SZT2: variants seen among roughly 807,000 people sequenced by gnomAD.
SZT2 encodes KICSTOR complex protein SZT2.
SZT2 carries 216 observed loss-of-function variants against 404.2 expected under a neutral mutation model. The observed-to-expected ratio is 0.53, with a 90% confidence interval of 0.48 to 0.60. SZT2 has a LOEUF of 0.60. Ranked by LOEUF, SZT2 falls within the 20% of genes least tolerant of loss-of-function variation. The probability of loss-of-function intolerance (pLI) is 0.00; values close to 1 mark genes in which losing one functional copy is unlikely to be tolerated. For missense variants in SZT2, 3,857 were observed against 4,459.2 expected (o/e 0.86, Z 3.85); for synonymous variants, 1,693 against 1,749.9 (o/e 0.97, Z 0.81).
chr1:43,446,122 C>A, intron 63 of SZT2, 57 bp from the exon 64 acceptor site: 2 of 1,606,046 alleles, frequency 1.2e-6, no homozygotes, highest in East Asian at 4.5e-5. Context: ...GGACTTCCAC[C>A]CTACTGATTC....
chr1:43,449,295 C>G (rs1450258975), intron 70 of SZT2: 1 of 161,444 alleles, frequency 6.2e-6, no homozygotes, highest in Non-Finnish European at 1.4e-5. Flanking sequence ...ATGGGCCCAG[C>G]CAGAGCTGAG....
chr1:43,430,045 G>T lies in SZT2; in HGVS notation c.4343G>T (p.Arg1448Leu), dbSNP rs775153972. The part of the protein sequence containing the change: ...KFLEISRLHF[R>L]TVPSNPHYFF... ...CTAGAGATCAGTCGTCTCCACTTCC[G>T]CACAGTGCCTTCCAATCCCCACTAC... The change falls in exon 30 of 72, where the codon CGC (arginine) becomes CTC (leucine). Residue 1448 changes from arginine (R) to leucine (L), a missense_variant. This residue lies in a region of SZT2 where 1,725 missense variants were observed against 1,881.0 expected (regional missense o/e 0.92). Transcript: ENST00000634258. 1.9e-6 allele frequency: 3 copies of T among 1,613,936 alleles called. No individual in the cohort carries two copies. The highest frequency in any genetic ancestry group is 2.7e-5 in the African/African-American group (2 of 74,852).
At chr1:43,406,073 T>C (rs1488708629) in intron 4 of SZT2, 1 of 157,280 alleles carries the variant, frequency 6.4e-6, no homozygotes, top group Non-Finnish European at 1.4e-5. Context: ...GAGAAGTCTT[T>C]CAGACAAAGC....
chr1:43,442,030 T>G lies in SZT2; in HGVS notation c.7773T>G (p.Cys2591Trp), dbSNP rs768490643. 4 of 1,613,950 alleles carry G rather than the reference T, an allele frequency of 2.5e-6. No homozygotes were observed. The highest frequency in any genetic ancestry group is 3.4e-6 in the Non-Finnish European group (4 of 1,179,938). The change falls in exon 56 of 72, where the codon TGT becomes TGG. Residue 2591 changes from cysteine to tryptophan, a missense_variant. Cys to Trp is a radical substitution (Grantham distance 215). This residue lies in a region of SZT2 where 573 missense variants were observed against 592.4 expected (regional missense o/e 0.97). Coordinates refer to ENST00000634258, the MANE Select transcript of SZT2 (RefSeq NM_001365999.1). This position sits in a 1 kb window ranked among gnomAD's most constrained non-coding sequence, Gnocchi z 4.5. ...CAGAGCCAGAGATCTTCGGCCCTTG[T>G]TCCCCTGGGCAACTGGGCCCCTCTC... The part of the protein sequence containing the change: ...LGSEPEIFGP[C>W]SPGQLGPSPR...
chr1:43,435,815 G>A (rs1222318825), intron 42 of SZT2: 1 of 153,648 alleles, frequency 6.5e-6, no homozygotes, highest in Non-Finnish European at 1.4e-5. Flanking sequence ...GCCATGATCT[G>A]TCTTCCTAAG....
In SZT2 at chr1:43,453,778, A is replaced by G; in HGVS notation, c.*3298A>G. ...AATAGCCAGGACAGATTGGCGGAGA[A>G]GCGCAGCGGCGCCATGCCTGGGGAG... On this transcript the variant is annotated 3_prime_UTR_variant, in exon 72 of 72. Transcript: ENST00000634258. 3.1e-6 allele frequency: 4 copies of G among 1,287,572 alleles called. No individual in the cohort carries two copies. The highest frequency in any genetic ancestry group is 2.9e-6 in the Non-Finnish European group (3 of 1,020,558). 79.8% of individuals were successfully genotyped at this position (1,287,572 alleles called of 1,614,324 possible). A position where few individuals can be genotyped will look rare whatever the true frequency, so the allele number is the denominator to read the frequency against.
chr1:43,392,559 C>G (rs952325277), intron 1 of SZT2, among the ~76,000 whole-genome samples: 2 of 152,076 alleles, frequency 1.3e-5, no homozygotes, highest in Non-Finnish European at 2.9e-5. Flanking sequence ...GGACTACAGG[C>G]GCCTGCTACC....
intron 46 of SZT2, 51 bp from the exon 47 acceptor site, chr1:43,438,648 T>C: frequency 6.4e-7 from 1 of 1,550,946 alleles, no homozygotes; most frequent in Non-Finnish European, 8.9e-7. Flanking sequence ...GCTATGGAGG[T>C]AGCTGGATCC....
intron 1 of SZT2, among the ~76,000 whole-genome samples, chr1:43,392,636 A>G (rs1648538004): frequency 6.6e-6 from 1 of 152,230 alleles, no homozygotes; most frequent in Non-Finnish European, 1.5e-5. Context: ...GATAGTCTCA[A>G]TCTCCTGTCC....
chr1:43,403,965 T>C, intron 3 of SZT2, 191 bp downstream of exon 3: 1 of 655,048 alleles, frequency 1.5e-6, no homozygotes, highest in Non-Finnish European at 2.5e-6. Flanking sequence ...ATCCCAGTGC[T>C]TTGGGAAGCC....
chr1:43,415,858 C>T lies in SZT2; in HGVS notation c.631-102C>T, dbSNP rs1296166611. 8.8e-6 allele frequency: 12 copies of T among 1,369,816 alleles called. 1 individual carries two copies. The highest frequency in any genetic ancestry group is 5.8e-5 in the African/African-American group (4 of 68,642). 84.9% of individuals were successfully genotyped at this position (1,369,816 alleles called of 1,614,324 possible). A position where few individuals can be genotyped will look rare whatever the true frequency, so the allele number is the denominator to read the frequency against. ...GAATTGAGGTTCTCACAGGATTCGG[C>T]CTGTCTGGCCTGAGAAGTGCTGGGC... On this transcript the variant is annotated intron_variant, in intron 5 of 71. Coordinates refer to ENST00000634258, the MANE Select transcript of SZT2 (RefSeq NM_001365999.1).
At chr1:43,391,314 C>CA (rs1362276058) in intron 1 of SZT2, among the ~76,000 whole-genome samples, 136 of 125,854 alleles carry the variant, frequency 1.1e-3, no homozygotes, top group Middle Eastern at 4.0e-3. Context: ...AACTCCGTCT[C>CA]AAAAAAAAAA....
At position 43,426,160 on chromosome 1, in the gene SZT2, A is replaced by G. The variant is rs767113894; in HGVS notation, c.3043+9A>G. 5 of 1,613,458 alleles carry G rather than the reference A, an allele frequency of 3.1e-6. No homozygotes were observed. Among genetic ancestry groups the G allele is most frequent in the Non-Finnish European group, 4.2e-6 (5 of 1,179,548 alleles). ...CCTCTTGCTTGCCAGAGGTAGGTGA[A>G]CCTGGTACCCTTTCACCCCACACCT... On this transcript the variant is annotated intron_variant, in intron 21 of 71. Coordinates refer to ENST00000634258, the MANE Select transcript of SZT2 (RefSeq NM_001365999.1). This position sits in a 1 kb window ranked among gnomAD's most constrained non-coding sequence, Gnocchi z 4.9.
Position 43,443,277 on chromosome 1 carries a change from C to T in SZT2, c.8499+10C>T. 1 of 1,614,172 alleles carries T rather than the reference C, an allele frequency of 6.2e-7. No homozygotes were observed. The highest frequency in any genetic ancestry group is 8.5e-7 in the Non-Finnish European group (1 of 1,180,018). Reference sequence around the variant, plus strand: ...CACCATGCCCATCAGTGTGAGTGACCCCAGCTTGCATCTTCCTTGAGTATC... The same window carrying T: ...CACCATGCCCATCAGTGTGAGTGACTCCAGCTTGCATCTTCCTTGAGTATC... On this transcript the variant is annotated intron_variant, in intron 60 of 71. Transcript: ENST00000634258.
chr1:43,400,643 G>A (rs114301421), intron 1 of SZT2, among the ~76,000 whole-genome samples: 3,796 of 152,216 alleles, frequency 0.025, 161 homozygotes, highest in African/African-American at 0.087. Flanking sequence ...AGGCCAAGGC[G>A]GGTGAATCAC....
chr1:43,404,650 C>T (rs1283396182), intron 4 of SZT2, 100 bp downstream of exon 4: 21 of 1,317,424 alleles, frequency 1.6e-5, no homozygotes, highest in Admixed American at 2.0e-5. Flanking sequence ...CCCAAAGTCC[C>T]GAGCTCTGCT....
chr1:43,428,462 G>C lies in SZT2; in HGVS notation c.4142G>C (p.Arg1381Pro), dbSNP rs748730426. The C allele has an allele frequency of 3.1e-6, 5 of 1,613,972 alleles. No individual in the cohort carries two copies. The Admixed American group carries it at 5.0e-5, about 16-fold the overall frequency. The change falls in exon 28 of 72, where the codon CGA (arginine) becomes CCA (proline). Residue 1381 changes from arginine (R) to proline (P), a missense_variant. By Grantham distance (103) the Arg-to-Pro change is moderately radical. Coordinates refer to ENST00000634258, the MANE Select transcript of SZT2 (RefSeq NM_001365999.1). ...SMEEGAEPRE[R>P]AILASESSIE... ...GAGGAGGGTGCTGAACCTCGGGAAC[G>C]AGCTATCCTAGCTTCTGAATCCAGG...
Position 43,450,159 on chromosome 1 carries a change from C to G in SZT2, c.10143C>G (p.His3381Gln). 1 of 1,614,132 alleles carries G rather than the reference C, an allele frequency of 6.2e-7. No homozygotes were observed. The highest frequency in any genetic ancestry group is 8.5e-7 in the Non-Finnish European group (1 of 1,179,990). ...DCFVLVFLDSHLGKTSLTVVF... is the reference protein window; with the variant it reads ...DCFVLVFLDSQLGKTSLTVVF... ...TTGTGCTAGTGTTTCTGGACTCCCA[C>G]TTAGGAAAGACGGTAAGAACGAGTG... Residue 3381 changes from histidine (H) to glutamine (Q), a missense_variant, in exon 71 of 72, where the codon CAC (histidine) becomes CAG (glutamine). This residue lies in a region of SZT2 where 717 missense variants were observed against 868.2 expected (regional missense o/e 0.83). Coordinates refer to ENST00000634258, the MANE Select transcript of SZT2 (RefSeq NM_001365999.1). This position sits in a 1 kb window ranked among gnomAD's most constrained non-coding sequence, Gnocchi z 4.3.
chr1:43,448,291 G>A lies in SZT2; in HGVS notation c.9776G>A (p.Arg3259Gln), dbSNP rs767883289. Residue 3259 changes from arginine (R) to glutamine (Q), a missense_variant, in exon 69 of 72, where the codon CGA becomes CAA. Physicochemically the swap from Arg to Gln is conservative, Grantham distance 43 (BLOSUM62 1). Around this residue, in one of 7 missense-constraint regions of SZT2, gnomAD observed 717 missense variants for 868.2 expected, o/e 0.83. Coordinates refer to ENST00000634258, the MANE Select transcript of SZT2 (RefSeq NM_001365999.1). The surrounding 1 kb of genome is among the most constrained non-coding windows in gnomAD (Gnocchi z 4.2). Reference protein sequence around the residue: ...PPLAAEVGMARARLAQLVRLA... With the variant: ...PPLAAEVGMAQARLAQLVRLA... ...CTGGCTGCAGAGGTGGGCATGGCACGAGCACGGCTGGCTCAGCTGGTGCGG... is the reference window on the plus strand; with the variant it reads ...CTGGCTGCAGAGGTGGGCATGGCACAAGCACGGCTGGCTCAGCTGGTGCGG... 37 of 1,559,498 alleles carry A rather than the reference G, an allele frequency of 2.4e-5. No individual in the cohort carries two copies. The highest frequency in any genetic ancestry group is 1.4e-4 in the South Asian group (12 of 85,392).
Sources: gnomAD v4.1 joint callset for allele counts (sites outside exome capture counted in the v4.1 genomes callset) on GRCh38, gnomAD v4.1.1 for gene constraint, gnomAD v4.1.1 regional missense constraint, Gnocchi (gnomAD v3.1) non-coding constraint, MANE v1.5 for transcripts, NCBI Gene and HGNC (gene_info 2026-07-23, HGNC 2026-07-21) for gene names.